SPCS2: variants seen among roughly 807,000 people sequenced by gnomAD.
SPCS2 encodes SPase 25 kDa subunit.
In SPCS2, 3 loss-of-function variants were observed where a neutral mutation model predicts 22.3. That is an observed-to-expected ratio of 0.13 (90% CI 0.06 to 0.35). The LOEUF is 0.35. SPCS2 is among the 10% of genes least tolerant of loss of function. The pLI is 1.00. For missense variants in SPCS2, 169 were observed against 280.9 expected (o/e 0.60, Z 2.85); for synonymous variants, 67 against 97.2 (o/e 0.69, Z 1.83).
intron 2 of SPCS2, among the ~76,000 whole-genome samples, chr11:74,965,328 T>C (rs957395795): frequency 1.3e-5 from 2 of 152,138 alleles, no homozygotes; most frequent in Non-Finnish European, 2.9e-5. Context: ...GTAACAAACC[T>C]GCACGTTGTG....
At chr11:74,967,659 GA>G (rs1301833663) in intron 3 of SPCS2, among the ~76,000 whole-genome samples, 1 of 152,210 alleles carries the variant, frequency 6.6e-6, no homozygotes, top group East Asian at 1.9e-4. Context: ...TGAGGCACAA[GA>G]ATCACTTGAA....
intron 4 of SPCS2, among the ~76,000 whole-genome samples, chr11:74,973,426 T>C (rs777097319): frequency 2.6e-5 from 4 of 152,200 alleles, no homozygotes; most frequent in Non-Finnish European, 4.4e-5. Flanking sequence ...TTTCTTCCCA[T>C]TATCCTGTTT....
chr11:74,972,008 C>T (rs1449917068), intron 4 of SPCS2, among the ~76,000 whole-genome samples: 1 of 152,184 alleles, frequency 6.6e-6, no homozygotes, highest in Non-Finnish European at 1.5e-5. Context: ...TCCAAGAAGC[C>T]TTCCCTGACA....
At chr11:74,964,694 A>G (rs1948533269) in intron 1 of SPCS2, among the ~76,000 whole-genome samples, 1 of 152,266 alleles carries the variant, frequency 6.6e-6, no homozygotes. Flanking sequence ...CAGTCTGTGC[A>G]GCCCATATAC....
chr11:74,972,966 GA>G (rs1362767410), intron 4 of SPCS2, among the ~76,000 whole-genome samples: 1 of 150,620 alleles, frequency 6.6e-6, no homozygotes, highest in Non-Finnish European at 1.5e-5. Flanking sequence ...ACTACCGCAA[GA>G]ACAAAAAACC....
chr11:74,951,122 G>C (rs866983108), intron 1 of SPCS2, among the ~76,000 whole-genome samples: 3 of 152,330 alleles, frequency 2.0e-5, no homozygotes, highest in South Asian at 2.1e-4. Flanking sequence ...TGGCACCATT[G>C]TGTTATTGAA....
intron 1 of SPCS2, among the ~76,000 whole-genome samples, chr11:74,958,206 A>G (rs973416771): frequency 1.3e-5 from 2 of 152,380 alleles, no homozygotes; most frequent in Non-Finnish European, 2.9e-5. Flanking sequence ...TGGGGTTGTC[A>G]CTAATGTGTG....
At position 74,964,851 on chromosome 11, in the gene SPCS2, T is replaced by G. The variant is rs9787775; in HGVS notation, c.115-183T>G. 0.26 allele frequency among the ~76,000 whole-genome samples: 38,811 copies of G among 152,172 alleles called. 5,853 individuals are homozygous for G. The highest frequency in any genetic ancestry group is 0.53 in the East Asian group (2,718 of 5,174). ...TCTTTTTTGTTTGTTTTTAACTGCT[T>G]CTTGCAGGGCTACCCCATAGGAGTG... is the stretch of plus-strand genomic sequence containing the variant. On this transcript the variant is annotated intron_variant, in intron 1 of 4. Transcript: ENST00000263672.
At chr11:74,972,355 C>G (rs748402766) in intron 4 of SPCS2, among the ~76,000 whole-genome samples, 6 of 152,172 alleles carry the variant, frequency 3.9e-5, no homozygotes, top group Non-Finnish European at 8.8e-5. Context: ...TGAGCCACCA[C>G]GCCCAGCCCA....
chr11:74,960,250 T>C (rs576691875), intron 1 of SPCS2, among the ~76,000 whole-genome samples: 27 of 152,238 alleles, frequency 1.8e-4, no homozygotes, highest in Non-Finnish European at 2.6e-4. Flanking sequence ...GAGAATTGCT[T>C]GAACCCAGGA....
chr11:74,966,352 A>T (rs564439299), intron 3 of SPCS2, among the ~76,000 whole-genome samples: 1 of 152,336 alleles, frequency 6.6e-6, no homozygotes, highest in African/African-American at 2.4e-5. Context: ...TGAGGAGCTG[A>T]ACTGGAAAGT....
At chr11:74,952,065 G>C (rs534942950) in intron 1 of SPCS2, among the ~76,000 whole-genome samples, 4 of 152,250 alleles carry the variant, frequency 2.6e-5, no homozygotes, top group Non-Finnish European at 5.9e-5. Context: ...GTAGAGGAAA[G>C]CTGTTGAAGG....
chr11:74,949,509 C>G lies in SPCS2; in HGVS notation c.114+110C>G, dbSNP rs534044298. ...TTTTCTACGGCCTTTTGAGGGGAGC[C>G]CTTGTGTGACCACTATCACAACCCT... is the stretch of plus-strand genomic sequence containing the variant. On this transcript the variant is annotated intron_variant, in intron 1 of 4. Transcript: ENST00000263672. 149 of 939,948 alleles carry G rather than the reference C, an allele frequency of 1.6e-4. No individual in the cohort carries two copies. In the East Asian group the frequency reaches 3.9e-3, roughly 25 times the overall value. 58.2% of individuals were successfully genotyped at this position (939,948 alleles called of 1,614,324 possible). A position where few individuals can be genotyped will look rare whatever the true frequency, so the allele number is the denominator to read the frequency against.
rs765552232 is a variant in SPCS2, at chr11:74,949,413, T to G, written c.114+14T>G. On this transcript the variant is annotated intron_variant, in intron 1 of 4. Coordinates refer to ENST00000263672, the MANE Select transcript of SPCS2 (RefSeq NM_014752.3). ...TTGTTGGATAAGGTGAGGAGCCGGT[T>G]CTTGGGAACAGTTGAATCCTGGGGA... 46 of 1,549,212 alleles carry G rather than the reference T, an allele frequency of 3.0e-5. No homozygotes were observed. In the African/African-American group the frequency reaches 5.9e-4, roughly 20 times the overall value.
At position 74,960,846 on chromosome 11, in the gene SPCS2, A is replaced by G. The variant is rs1318603077; in HGVS notation, c.115-4188A>G. Among the ~76,000 whole-genome samples, 3 of 152,120 alleles carry G rather than the reference A, an allele frequency of 2.0e-5. No individual in the cohort carries two copies. The East Asian group carries it at 5.8e-4, about 29-fold the overall frequency. ...AAAATACTTAGCACATCCGTAGCAC[A>G]TGTTAGGCATTCAGGAAATGGTAGC... On this transcript the variant is annotated intron_variant, in intron 1 of 4. Coordinates refer to ENST00000263672, the MANE Select transcript of SPCS2 (RefSeq NM_014752.3).
chr11:74,965,665 G>A, intron 2 of SPCS2, 98 bp from the exon 3 acceptor site: 1 of 1,050,640 alleles, frequency 9.5e-7, no homozygotes. Context: ...GAACTACTTG[G>A]TAATTCATAT....
chr11:74,964,776 A>C (rs1189289388), intron 1 of SPCS2, among the ~76,000 whole-genome samples: 1 of 152,190 alleles, frequency 6.6e-6, no homozygotes, highest in African/African-American at 2.4e-5. Flanking sequence ...CATGAGTACC[A>C]CCTGACTCTA....
At position 74,976,879 on chromosome 11, in the gene SPCS2, A is replaced by C; in HGVS notation, c.517A>C (p.Lys173Gln). ...TAGGTTTGATGACAAATACACCTTG[A>C]AGCTGACCTTCATCAGTGGGAGAAC... ...LKRFDDKYTL[K>Q]LTFISGRTKQ... Residue 173 changes from lysine (K) to glutamine (Q), a missense_variant, in exon 5 of 5, where the codon AAG (lysine) becomes CAG (glutamine). Physicochemically the swap from Lys to Gln is moderately conservative, Grantham distance 53 (BLOSUM62 1). Coordinates refer to ENST00000263672, the MANE Select transcript of SPCS2 (RefSeq NM_014752.3). 6.2e-7 allele frequency: 1 copy of C among 1,613,552 alleles called. No individual in the cohort carries two copies. Among genetic ancestry groups the C allele is most frequent in the African/African-American group, 1.3e-5 (1 of 75,010 alleles).
intron 1 of SPCS2, among the ~76,000 whole-genome samples, chr11:74,953,031 A>T (rs1201565870): frequency 6.6e-6 from 1 of 152,102 alleles, no homozygotes; most frequent in East Asian, 1.9e-4. Flanking sequence ...CGCAGAGAAA[A>T]AACTTGAGAT....
Sources: gnomAD v4.1 joint callset for allele counts (sites outside exome capture counted in the v4.1 genomes callset) on GRCh38, gnomAD v4.1.1 for gene constraint, MANE v1.5 for transcripts, NCBI Gene and HGNC (gene_info 2026-07-23, HGNC 2026-07-21) for gene names.